The following GRID2 variants were observed in gnomAD, a reference collection of about 807,000 sequenced individuals.
The protein encoded by GRID2 is glutamate ionotropic receptor delta type subunit 2.
Under a neutral mutation model 114.8 loss-of-function variants are expected in GRID2, and 33 were observed. The ratio of observed to expected loss-of-function variants is 0.29; its 90% confidence interval spans 0.22 to 0.38. The LOEUF is 0.38. GRID2 is among the 10% of genes least tolerant of loss of function. The probability of loss-of-function intolerance (pLI) is 1.00; values close to 1 mark genes in which losing one functional copy is unlikely to be tolerated. For synonymous variants in GRID2, 505 were observed against 449.9 expected (o/e 1.12, Z -1.55); for missense variants, 1,184 against 1,257.7 (o/e 0.94, Z 0.89).
intron 2 of GRID2, among the ~76,000 whole-genome samples, chr4:92,847,379 T>C (rs1281090904): frequency 6.6e-6 from 1 of 152,056 alleles, no homozygotes; most frequent in South Asian, 2.1e-4. Context: ...CAGTTTTTTC[T>C]TGGGCTTCTT....
At chr4:92,452,864 TA>T (rs1483382265) in intron 1 of GRID2, among the ~76,000 whole-genome samples, 3 of 148,054 alleles carry the variant, frequency 2.0e-5, no homozygotes, top group East Asian at 3.9e-4. Context: ...TTACCATATA[TA>T]TTTTTTTACC....
intron 14 of GRID2, among the ~76,000 whole-genome samples, chr4:93,724,417 T>C (rs1010537588): frequency 3.9e-5 from 6 of 152,206 alleles, no homozygotes; most frequent in African/African-American, 1.4e-4. Flanking sequence ...ATTATGCTTT[T>C]AACTTAAATA....
At chr4:92,362,107 A>G (rs1728645547) in intron 1 of GRID2, among the ~76,000 whole-genome samples, 1 of 152,022 alleles carries the variant, frequency 6.6e-6, no homozygotes, top group African/African-American at 2.4e-5. Context: ...GGCATGAATG[A>G]TGTCCCCTTC....
At chr4:92,386,126 A>G (rs531965735) in intron 1 of GRID2, among the ~76,000 whole-genome samples, 42 of 151,740 alleles carry the variant, frequency 2.8e-4, no homozygotes, top group African/African-American at 1.0e-3. Context: ...CAATGTAGTA[A>G]CATTGTATTC....
chr4:92,620,636 G>C (rs1186880469), intron 2 of GRID2, among the ~76,000 whole-genome samples: 1 of 151,660 alleles, frequency 6.6e-6, no homozygotes, highest in Non-Finnish European at 1.5e-5. Flanking sequence ...ATATAGTTAT[G>C]AGTTTTATGT....
At chr4:93,560,742 A>G (rs1351652878) in intron 13 of GRID2, among the ~76,000 whole-genome samples, 1 of 152,140 alleles carries the variant, frequency 6.6e-6, no homozygotes, top group Non-Finnish European at 1.5e-5. Context: ...GGCCTCCCAA[A>G]GTACTGAGAT....
intron 8 of GRID2, among the ~76,000 whole-genome samples, chr4:93,344,290 CTT>C (rs1759964027): frequency 6.6e-6 from 1 of 151,890 alleles, no homozygotes. Flanking sequence ...AAAAATAAGA[CTT>C]TATGGAGGTA....
intron 4 of GRID2, among the ~76,000 whole-genome samples, chr4:93,135,083 G>A (rs1174223775): frequency 6.6e-6 from 1 of 152,058 alleles, no homozygotes; most frequent in Non-Finnish European, 1.5e-5. Context: ...TATTTAAGTG[G>A]TTTGCATTAG....
chr4:93,135,688 G>C (rs1352511454), intron 4 of GRID2, among the ~76,000 whole-genome samples: 2 of 152,138 alleles, frequency 1.3e-5, no homozygotes, highest in Non-Finnish European at 2.9e-5. Context: ...TATGATCTGA[G>C]TTTGAAAATA....
At chr4:93,097,271 A>T (rs1033167045) in intron 3 of GRID2, among the ~76,000 whole-genome samples, 2 of 152,076 alleles carry the variant, frequency 1.3e-5, no homozygotes, top group African/African-American at 2.4e-5. Flanking sequence ...TTATATGTAA[A>T]TTAAACTTCA....
intron 2 of GRID2, among the ~76,000 whole-genome samples, chr4:92,993,349 A>G (rs1755018426): frequency 2.0e-5 from 3 of 151,712 alleles, no homozygotes. Flanking sequence ...GTAAATTTAC[A>G]GTATTCTCTT....
rs539706829 is a variant in GRID2 at position 92,409,382 on chromosome 4, G to C, written c.88+104638G>C. Reference sequence around the variant, plus strand: ...TTCAAAAAAATCACACAAGGGCCTAGAGACCTGAAGATGAACTCTAGAGAA... The same window carrying C: ...TTCAAAAAAATCACACAAGGGCCTACAGACCTGAAGATGAACTCTAGAGAA... On this transcript the variant is annotated intron_variant, in intron 1 of 15. Transcript: ENST00000282020. Among the ~76,000 whole-genome samples, 215 of 152,218 alleles carry C rather than the reference G, an allele frequency of 1.4e-3. 1 individual carries two copies. Among genetic ancestry groups the C allele is most frequent in the African/African-American group, 5.0e-3 (206 of 41,550 alleles).
At chr4:92,418,804 A>T (rs933447375) in intron 1 of GRID2, among the ~76,000 whole-genome samples, 3 of 152,066 alleles carry the variant, frequency 2.0e-5, no homozygotes, top group African/African-American at 7.2e-5. Context: ...TCCTGTTAGT[A>T]AGAAATCTCC....
chr4:92,667,874 A>G (rs1732867440), intron 2 of GRID2, among the ~76,000 whole-genome samples: 1 of 151,834 alleles, frequency 6.6e-6, no homozygotes, highest in South Asian at 2.1e-4. Context: ...TATAGTTAAA[A>G]TATATTTAGT....
At chr4:93,334,878 C>T (rs1330409036) in intron 8 of GRID2, among the ~76,000 whole-genome samples, 1 of 151,934 alleles carries the variant, frequency 6.6e-6, no homozygotes, top group East Asian at 1.9e-4. Context: ...TTGCGGTGAG[C>T]TGAGATCACG....
chr4:93,763,957 G>A (rs1578762194), intron 14 of GRID2, among the ~76,000 whole-genome samples: 1 of 152,264 alleles, frequency 6.6e-6, no homozygotes, highest in East Asian at 1.9e-4. Flanking sequence ...GGAACTTATT[G>A]ACAGCGATGG....
At chr4:92,944,087 G>T (rs1751403876) in intron 2 of GRID2, among the ~76,000 whole-genome samples, 1 of 152,168 alleles carries the variant, frequency 6.6e-6, no homozygotes, top group Non-Finnish European at 1.5e-5. Flanking sequence ...TGCATGCTGG[G>T]AACCACTACT....
intron 13 of GRID2, among the ~76,000 whole-genome samples, chr4:93,544,884 C>T (rs1733059054): frequency 6.6e-6 from 1 of 152,048 alleles, no homozygotes; most frequent in African/African-American, 2.4e-5. Context: ...AAACTCGTGG[C>T]TATCTGACCC....
At chr4:93,501,573 T>C (rs1728108981) in intron 12 of GRID2, among the ~76,000 whole-genome samples, 1 of 151,154 alleles carries the variant, frequency 6.6e-6, no homozygotes, top group African/African-American at 2.4e-5. Flanking sequence ...CGTACAGCTA[T>C]CTCGATGTCA....
Sources: gnomAD v4.1 joint callset for allele counts (sites outside exome capture counted in the v4.1 genomes callset) on GRCh38, gnomAD v4.1.1 for gene constraint, MANE v1.5 for transcripts, NCBI Gene and HGNC (gene_info 2026-07-23, HGNC 2026-07-21) for gene names.